The following SGCZ variants were observed in gnomAD, a reference collection of about 807,000 sequenced individuals.
SGCZ encodes the protein sarcoglycan zeta, also known as zeta-sarcoglycan.
In SGCZ, 40 loss-of-function variants were observed where a neutral mutation model predicts 41.3. That is an observed-to-expected ratio of 0.97 (90% confidence interval 0.75 to 1.26). SGCZ has a LOEUF of 1.26. SGCZ is among the 50% of genes most tolerant of loss of function. The pLI is 0.00. For missense variants in SGCZ, 552 were observed against 369.8 expected (o/e 1.49, Z -4.04); for synonymous variants, 206 against 137.5 (o/e 1.50, Z -3.49).
intron 1 of SGCZ, among the ~76,000 whole-genome samples, chr8:15,159,739 C>T (rs867430090): frequency 7.9e-5 from 2 of 25,210 alleles, no homozygotes; most frequent in Admixed American, 4.6e-4. Flanking sequence ...CCGCCCCCCC[C>T]ACCCTCCCCC....
intron 1 of SGCZ, among the ~76,000 whole-genome samples, chr8:14,558,861 TAGAATC>T (rs1286164433): frequency 6.6e-6 from 1 of 151,820 alleles, no homozygotes. Context: ...ACCACATAAA[TAGAATC>T]AGAAACAAAA....
intron 1 of SGCZ, among the ~76,000 whole-genome samples, chr8:15,062,064 A>C (rs1368926686): frequency 6.6e-6 from 1 of 152,184 alleles, no homozygotes; most frequent in East Asian, 1.9e-4. Flanking sequence ...CTACTCTTCA[A>C]CTTTAGTTGA....
chr8:14,950,735 C>T (rs1478576459), intron 1 of SGCZ, among the ~76,000 whole-genome samples: 1 of 151,732 alleles, frequency 6.6e-6, no homozygotes, highest in Non-Finnish European at 1.5e-5. Context: ...AAACATAAAG[C>T]AATACATAAG....
rs10112456 is a variant in SGCZ, at chr8:14,187,329, A to G, written c.425-22627T>C. On this transcript the variant is annotated intron_variant, in intron 4 of 7. Transcript: ENST00000382080. ...GATAAATGTTTTAAAAACCCGAGAA[A>G]AGTCTGAACCATAGATGAGGAAAAA... is the stretch of plus-strand genomic sequence containing the variant. 7.8e-3 allele frequency among the ~76,000 whole-genome samples: 1,181 copies of G among 152,324 alleles called. 19 individuals are homozygous for G. The highest frequency in any genetic ancestry group is 0.027 in the African/African-American group (1,135 of 41,570).
In SGCZ at chr8:14,472,385, T is replaced by C. The variant is rs192049564; in HGVS notation, c.234+82347A>G. 2.2e-3 allele frequency among the ~76,000 whole-genome samples: 331 copies of C among 152,218 alleles called. 1 individual carries two copies. Among genetic ancestry groups the C allele is most frequent in the African/African-American group, 7.6e-3 (315 of 41,580 alleles). On this transcript the variant is annotated intron_variant, in intron 2 of 7. Transcript: ENST00000382080. ...CCCAATCAATACCTCTGCAGTACCA[T>C]TCACAGACCTACCATACCATTGTCT...
At chr8:15,037,586 C>T (rs1803917668) in intron 1 of SGCZ, among the ~76,000 whole-genome samples, 1 of 152,098 alleles carries the variant, frequency 6.6e-6, no homozygotes, top group Admixed American at 6.6e-5. Flanking sequence ...TCCACTCTCA[C>T]CACTTCTATT....
At chr8:14,559,061 A>G (rs1265873967) in intron 1 of SGCZ, among the ~76,000 whole-genome samples, 1 of 152,108 alleles carries the variant, frequency 6.6e-6, no homozygotes, top group Non-Finnish European at 1.5e-5. Flanking sequence ...TCTCTCTGAG[A>G]ACTGGAACAA....
intron 2 of SGCZ, among the ~76,000 whole-genome samples, chr8:14,519,552 C>T (rs562762504): frequency 3.3e-5 from 5 of 152,178 alleles, no homozygotes; most frequent in African/African-American, 1.2e-4. Flanking sequence ...TATTAGTTTT[C>T]TGAAAAATCT....
At chr8:15,232,675 G>A (rs906983526) in intron 1 of SGCZ, among the ~76,000 whole-genome samples, 5 of 117,488 alleles carry the variant, frequency 4.3e-5, no homozygotes, top group East Asian at 4.6e-4. Flanking sequence ...ATATGTGTGT[G>A]TATATATATA....
At chr8:14,810,673 G>C (rs1801711677) in intron 1 of SGCZ, among the ~76,000 whole-genome samples, 1 of 151,948 alleles carries the variant, frequency 6.6e-6, no homozygotes, top group African/African-American at 2.4e-5. Flanking sequence ...GAGCTAACTG[G>C]ATACATTATT....
At chr8:14,218,298 G>A (rs1355813138) in intron 4 of SGCZ, among the ~76,000 whole-genome samples, 1 of 152,008 alleles carries the variant, frequency 6.6e-6, no homozygotes, top group East Asian at 1.9e-4. Flanking sequence ...GCAACAATTA[G>A]AAAATGAAAT....
At chr8:14,642,056 C>G (rs1489040778) in intron 1 of SGCZ, among the ~76,000 whole-genome samples, 1 of 151,536 alleles carries the variant, frequency 6.6e-6, no homozygotes, top group Non-Finnish European at 1.5e-5. Context: ...ACCAATGGAT[C>G]ATTAGTTTGT....
chr8:14,197,519 T>TA (rs1410527951), intron 4 of SGCZ, among the ~76,000 whole-genome samples: 2 of 151,952 alleles, frequency 1.3e-5, no homozygotes, highest in East Asian at 3.9e-4. Flanking sequence ...AATCTACCAA[T>TA]ATAGTTCATT....
At chr8:14,552,159 T>C (rs1803890880) in intron 2 of SGCZ, among the ~76,000 whole-genome samples, 1 of 152,020 alleles carries the variant, frequency 6.6e-6, no homozygotes, top group African/African-American at 2.4e-5. Flanking sequence ...AGGAACATAA[T>C]GCACTAGTAA....
chr8:15,082,558 T>G (rs767039356), intron 1 of SGCZ, among the ~76,000 whole-genome samples: 1 of 152,054 alleles, frequency 6.6e-6, no homozygotes, highest in Admixed American at 6.6e-5. Flanking sequence ...TCAGAAAGAC[T>G]GAGATCTCTT....
intron 3 of SGCZ, among the ~76,000 whole-genome samples, chr8:14,277,731 C>G (rs999665574): frequency 1.3e-5 from 2 of 152,100 alleles, no homozygotes; most frequent in Non-Finnish European, 2.9e-5. Context: ...ACTTCCTAAT[C>G]TTCTCTTGTT....
intron 1 of SGCZ, among the ~76,000 whole-genome samples, chr8:14,848,383 C>A (rs550041217): frequency 1.3e-5 from 2 of 151,948 alleles, no homozygotes; most frequent in South Asian, 2.1e-4. Flanking sequence ...ATGCAGAGGG[C>A]CTAAAATAGC....
intron 7 of SGCZ, among the ~76,000 whole-genome samples, chr8:14,096,276 C>A (rs950764477): frequency 6.0e-4 from 91 of 152,176 alleles, no homozygotes; most frequent in African/African-American, 2.1e-3. Flanking sequence ...AGATACATCC[C>A]ATCAATATGT....
At chr8:14,854,365 A>G (rs1283828402) in intron 1 of SGCZ, among the ~76,000 whole-genome samples, 1 of 151,960 alleles carries the variant, frequency 6.6e-6, no homozygotes, top group Non-Finnish European at 1.5e-5. Context: ...ACATATCAAA[A>G]ATATATAATT....
Sources: gnomAD v4.1 joint callset for allele counts (sites outside exome capture counted in the v4.1 genomes callset) on GRCh38, gnomAD v4.1.1 for gene constraint, MANE v1.5 for transcripts, NCBI Gene and HGNC (gene_info 2026-07-23, HGNC 2026-07-21) for gene names.